Variants in FAF1 observed in about 807,000 individuals in gnomAD.
FAF1 encodes the protein Fas associated factor 1.
Under a neutral mutation model 92.5 loss-of-function variants are expected in FAF1, and 25 were observed. That is an observed-to-expected ratio of 0.27 (90% confidence interval 0.20 to 0.38). The LOEUF is 0.38. Among genes scored for constraint, FAF1 ranks in the 10% least tolerant of loss-of-function variants. The pLI is 1.00. For synonymous variants in FAF1, 234 were observed against 273.2 expected (o/e 0.86, Z 1.42); for missense variants, 636 against 793.3 (o/e 0.80, Z 2.38).
At chr1:50,952,161 G>A (rs1049027785) in intron 1 of FAF1, among the ~76,000 whole-genome samples, 31 of 152,294 alleles carry the variant, frequency 2.0e-4, no homozygotes, top group African/African-American at 6.7e-4. Context: ...ATGCCCAGCC[G>A]AGGCTGGACT....
intron 1 of FAF1, among the ~76,000 whole-genome samples, chr1:50,859,722 A>G (rs1460337302): frequency 6.6e-6 from 1 of 151,886 alleles, no homozygotes; most frequent in Non-Finnish European, 1.5e-5. Context: ...CAAACTACCA[A>G]TGTTATTTGT....
At chr1:50,959,074 T>C (rs1294234778) in intron 1 of FAF1, among the ~76,000 whole-genome samples, 1 of 152,216 alleles carries the variant, frequency 6.6e-6, no homozygotes, top group Non-Finnish European at 1.5e-5. Context: ...TCCTTTAAAG[T>C]ATTCCTGGAG....
chr1:50,555,431 C>T (rs1156394050), intron 13 of FAF1, among the ~76,000 whole-genome samples: 2 of 151,992 alleles, frequency 1.3e-5, no homozygotes, highest in African/African-American at 2.4e-5. Flanking sequence ...CAAATAATCC[C>T]ATTAAAAAGT....
intron 6 of FAF1, among the ~76,000 whole-genome samples, chr1:50,722,408 GGAGGCC>G (rs1326115102): frequency 6.6e-5 from 10 of 152,296 alleles, no homozygotes; most frequent in African/African-American, 2.4e-4. Flanking sequence ...CAGCACTTTG[GGAGGCC>G]GAGGTGGGTG....
At chr1:50,485,822 G>A (rs911865824) in intron 17 of FAF1, among the ~76,000 whole-genome samples, 7 of 152,092 alleles carry the variant, frequency 4.6e-5, no homozygotes, top group South Asian at 4.1e-4. Context: ...GGTGGAAGGC[G>A]AAGGGGAAGC....
At chr1:50,749,130 A>C (rs953290450) in intron 4 of FAF1, among the ~76,000 whole-genome samples, 14 of 152,206 alleles carry the variant, frequency 9.2e-5, no homozygotes, top group African/African-American at 1.4e-4. Flanking sequence ...GAGTAGAAAA[A>C]TAAGTCACAG....
At chr1:50,780,999 G>T in intron 4 of FAF1, 1 of 478,534 alleles carries the variant, frequency 2.1e-6, no homozygotes, top group Non-Finnish European at 4.2e-6. Context: ...AGGCAGCTTA[G>T]CTGATTGCCA....
intron 1 of FAF1, among the ~76,000 whole-genome samples, chr1:50,889,848 T>C (rs953882797): frequency 6.6e-6 from 1 of 152,222 alleles, no homozygotes; most frequent in Non-Finnish European, 1.5e-5. Context: ...TCTGTTGATT[T>C]GGGGTGGAGA....
intron 2 of FAF1, among the ~76,000 whole-genome samples, chr1:50,827,853 A>G (rs1203961112): frequency 6.6e-6 from 1 of 152,192 alleles, no homozygotes; most frequent in Non-Finnish European, 1.5e-5. Flanking sequence ...GAGATAAACA[A>G]AGACAAGTTC....
At chr1:50,612,944 T>G (rs1209364867) in intron 8 of FAF1, among the ~76,000 whole-genome samples, 1 of 152,236 alleles carries the variant, frequency 6.6e-6, no homozygotes, top group African/African-American at 2.4e-5. Flanking sequence ...ATTGTATCTG[T>G]GTTTAGGTGA....
rs74411796 is a variant in FAF1, at chr1:50,847,085, T to C, written c.114+10844A>G. Among the ~76,000 whole-genome samples the C allele has an allele frequency of 9.2e-5, 14 of 152,312 alleles. No individual in the cohort carries two copies. The East Asian group carries it at 2.5e-3, about 27-fold the overall frequency. The stretch of plus-strand genomic sequence containing the variant: ...CATTCTTGATTTTGTTTTCATTTCT[T>C]TGTCAGTGAGGACTTTTCCCCTTAC... On this transcript the variant is annotated intron_variant, in intron 2 of 18. Coordinates refer to ENST00000396153, the MANE Select transcript of FAF1 (RefSeq NM_007051.3).
intron 7 of FAF1, among the ~76,000 whole-genome samples, chr1:50,669,933 C>A (rs1655792983): frequency 6.6e-6 from 1 of 151,978 alleles, no homozygotes; most frequent in Admixed American, 6.6e-5. Context: ...ACCAGCCTGA[C>A]CAACATGCAG....
At chr1:50,795,426 G>A (rs1245223803) in intron 3 of FAF1, among the ~76,000 whole-genome samples, 1 of 152,190 alleles carries the variant, frequency 6.6e-6, no homozygotes, top group East Asian at 1.9e-4. Context: ...TTGTTTCACA[G>A]CAAAAGAAGT....
intron 8 of FAF1, among the ~76,000 whole-genome samples, chr1:50,652,787 A>G (rs1436937440): frequency 6.6e-6 from 1 of 152,232 alleles, no homozygotes; most frequent in Non-Finnish European, 1.5e-5. Context: ...TCTTTAAACC[A>G]GCCAATTCTT....
intron 13 of FAF1, among the ~76,000 whole-genome samples, chr1:50,565,918 A>G (rs1299077303): frequency 6.6e-6 from 1 of 152,074 alleles, no homozygotes; most frequent in Non-Finnish European, 1.5e-5. Context: ...TGCCTCATGA[A>G]AGACCTTCGA....
intron 1 of FAF1, among the ~76,000 whole-genome samples, chr1:50,910,585 G>A (rs547053174): frequency 1.6e-4 from 24 of 152,244 alleles, no homozygotes; most frequent in African/African-American, 5.8e-4. Flanking sequence ...CTCAGCAATG[G>A]CGGACGCCCC....
At chr1:50,920,874 T>G (rs1644956973) in intron 1 of FAF1, among the ~76,000 whole-genome samples, 1 of 152,192 alleles carries the variant, frequency 6.6e-6, no homozygotes, top group African/African-American at 2.4e-5. Context: ...TAAAGAATGT[T>G]TGCTGTCACC....
chr1:50,844,622 T>C (rs112049131), intron 2 of FAF1, among the ~76,000 whole-genome samples: 152 of 151,122 alleles, frequency 1.0e-3, no homozygotes, highest in African/African-American at 3.5e-3. Context: ...GTCAACATAA[T>C]GATGGAGCCA....
chr1:50,890,835 G>A (rs1232182638), intron 1 of FAF1, among the ~76,000 whole-genome samples: 1 of 152,092 alleles, frequency 6.6e-6, no homozygotes, highest in African/African-American at 2.4e-5. Flanking sequence ...TGACAATTGT[G>A]TCTTGGAGTT....
Sources: gnomAD v4.1 joint callset for allele counts (sites outside exome capture counted in the v4.1 genomes callset) on GRCh38, gnomAD v4.1.1 for gene constraint, MANE v1.5 for transcripts, NCBI Gene and HGNC (gene_info 2026-07-23, HGNC 2026-07-21) for gene names.